The following PRSS23 variants were observed in gnomAD, a reference collection of about 807,000 sequenced individuals.
PRSS23 encodes protease, serine 23.
A neutral mutation model predicts 34.7 loss-of-function variants in PRSS23; 25 were observed. The ratio of observed to expected loss-of-function variants is 0.72; its 90% CI spans 0.53 to 1.01. PRSS23 has a LOEUF of 1.01. PRSS23 is among the 50% of genes least tolerant of loss of function. The pLI is 0.00. For missense variants in PRSS23, 445 were observed against 475.6 expected (o/e 0.94, Z 0.60); for synonymous variants, 176 against 186.6 (o/e 0.94, Z 0.46).
intron 2 of PRSS23, chr11:86,933,906 G>A (rs2135018768): frequency 6.6e-6 from 1 of 152,192 alleles, no homozygotes; most frequent in South Asian, 2.1e-4. Flanking sequence ...CGAGATCATT[G>A]GATTATATAT....
Position 86,808,883 on chromosome 11 carries a change from C to CGTGTGTGTGTGTGT in PRSS23, c.*101_*114dup. On this transcript the variant is annotated 3_prime_UTR_variant, in exon 2 of 2. Transcript: ENST00000280258. ...TTGTTTTTTGTCATTGGCGTGCACA[C>CGTGTGTGTGTGTGT]GTGTGTGTGTGTGTGTGTGTGTGTG... 2 of 887,448 alleles carry CGTGTGTGTGTGTGT rather than the reference C, an allele frequency of 2.3e-6. No individual in the cohort carries two copies. Among genetic ancestry groups the CGTGTGTGTGTGTGT allele is most frequent in the Non-Finnish European group, 3.5e-6 (2 of 569,550 alleles). 55.0% of individuals were successfully genotyped at this position (887,448 alleles called of 1,614,324 possible). A position where few individuals can be genotyped will look rare whatever the true frequency, so the allele number is the denominator to read the frequency against.
At chr11:86,847,648 G>C (rs1479976123) in intron 2 of PRSS23, among the ~76,000 whole-genome samples, 3 of 152,132 alleles carry the variant, frequency 2.0e-5, no homozygotes, top group African/African-American at 7.2e-5. Context: ...GATGTATCCT[G>C]AATAACTGGG....
At chr11:86,938,546 G>A (rs1465694723) in intron 2 of PRSS23, among the ~76,000 whole-genome samples, 1 of 152,174 alleles carries the variant, frequency 6.6e-6, no homozygotes, top group Non-Finnish European at 1.5e-5. Flanking sequence ...CATAGGGTGT[G>A]TCTGAGGAAG....
intron 2 of PRSS23, among the ~76,000 whole-genome samples, chr11:86,883,723 T>G (rs1235900112): frequency 1.3e-5 from 2 of 152,208 alleles, no homozygotes; most frequent in Non-Finnish European, 2.9e-5. Flanking sequence ...CCTCTATAAT[T>G]TCCCTCCAAG....
chr11:86,907,947 A>G (rs1235101220), intron 2 of PRSS23, among the ~76,000 whole-genome samples: 1 of 152,212 alleles, frequency 6.6e-6, no homozygotes, highest in East Asian at 1.9e-4. Context: ...TGACTATTTC[A>G]GATTCCTCGT....
chr11:86,939,603 C>A (rs924371015), intron 2 of PRSS23, among the ~76,000 whole-genome samples: 2 of 150,846 alleles, frequency 1.3e-5, no homozygotes, highest in African/African-American at 2.4e-5. Context: ...TGCGTTTACA[C>A]TATTTATTTA....
rs1194006412 is a variant in PRSS23 at position 86,894,237 on chromosome 11, T to TTGGTTTGA, written c.207-56979_207-56978insTGGTTTGA. 2.6e-5 allele frequency among the ~76,000 whole-genome samples: 4 copies of TTGGTTTGA among 152,324 alleles called. No individual in the cohort carries two copies. In the East Asian group the frequency reaches 5.8e-4, roughly 22 times the overall value. ...GTTGTCCAAGCTGGTCTCAAACTCC[T>TTGGTTTGA]GACCTCAAGTGATCTGCCCGCCTTG... is the stretch of plus-strand genomic sequence containing the variant. On this transcript the variant is annotated intron_variant, in intron 2 of 2. Coordinates refer to the PRSS23 transcript ENST00000533902.
chr11:86,914,531 C>A (rs1317114470), intron 2 of PRSS23, among the ~76,000 whole-genome samples: 1 of 152,196 alleles, frequency 6.6e-6, no homozygotes, highest in Non-Finnish European at 1.5e-5. Context: ...ATTTCATAAT[C>A]GTGTATCACA....
chr11:86,880,015 C>T (rs547691117), intron 2 of PRSS23, among the ~76,000 whole-genome samples: 27 of 152,068 alleles, frequency 1.8e-4, no homozygotes, highest in African/African-American at 5.8e-4. Context: ...GGGAGAAAGG[C>T]GGGGAAAGGA....
At chr11:86,846,133 C>T (rs1948484610) in intron 2 of PRSS23, among the ~76,000 whole-genome samples, 1 of 152,164 alleles carries the variant, frequency 6.6e-6, no homozygotes, top group East Asian at 1.9e-4. Context: ...CTCAATAAAG[C>T]CTACAACTTT....
At chr11:86,821,543 T>C (rs1360236843) in intron 1 of PRSS23, 4 of 1,611,136 alleles carry the variant, frequency 2.5e-6, no homozygotes, top group African/African-American at 1.3e-5. Context: ...AGTGCAAGTA[T>C]CTGGATGGCA....
chr11:86,864,364 G>A (rs1174641588), intron 2 of PRSS23, among the ~76,000 whole-genome samples: 1 of 152,224 alleles, frequency 6.6e-6, no homozygotes, highest in Non-Finnish European at 1.5e-5. Context: ...AGTGTCACAG[G>A]AGGTTGTCAA....
intron 2 of PRSS23, among the ~76,000 whole-genome samples, chr11:86,877,178 T>C (rs1026806021): frequency 6.6e-6 from 1 of 152,222 alleles, no homozygotes; most frequent in Non-Finnish European, 1.5e-5. Context: ...CTATTATCTG[T>C]GTTCAGGTCT....
chr11:86,821,939 A>G (rs990920171), intron 1 of PRSS23, among the ~76,000 whole-genome samples: 2 of 152,202 alleles, frequency 1.3e-5, no homozygotes, highest in African/African-American at 4.8e-5. Context: ...CTGAATTTTA[A>G]AAGGAGAATT....
At chr11:86,901,548 G>C (rs1014977121) in intron 2 of PRSS23, among the ~76,000 whole-genome samples, 1 of 152,096 alleles carries the variant, frequency 6.6e-6, no homozygotes, top group African/African-American at 2.4e-5. Flanking sequence ...TAAGAAGGGA[G>C]GTCACTGGTC....
intron 2 of PRSS23, among the ~76,000 whole-genome samples, chr11:86,892,738 T>C (rs546396012): frequency 1.5e-3 from 236 of 152,262 alleles, no homozygotes; most frequent in African/African-American, 5.5e-3. Flanking sequence ...ATTAATATTA[T>C]TATTGCCAAA....
intron 2 of PRSS23, among the ~76,000 whole-genome samples, chr11:86,893,140 G>T (rs1439882786): frequency 6.6e-6 from 1 of 152,172 alleles, no homozygotes; most frequent in Admixed American, 6.5e-5. Context: ...GCCAGGGAAT[G>T]CCAGGCTAAT....
At chr11:86,936,685 C>T (rs191477504) in intron 2 of PRSS23, 4 of 152,258 alleles carry the variant, frequency 2.6e-5, no homozygotes, top group African/African-American at 9.6e-5. Flanking sequence ...AGGAGGATGG[C>T]TTGAGCCCAA....
intron 2 of PRSS23, among the ~76,000 whole-genome samples, chr11:86,874,100 T>C (rs1447444932): frequency 6.6e-6 from 1 of 152,194 alleles, no homozygotes; most frequent in Non-Finnish European, 1.5e-5. Context: ...GAGGGTTTAA[T>C]CTTTGTGAAG....
Sources: gnomAD v4.1 joint callset for allele counts (sites outside exome capture counted in the v4.1 genomes callset) on GRCh38, gnomAD v4.1.1 for gene constraint, MANE v1.5 for transcripts, NCBI Gene and HGNC (gene_info 2026-07-23, HGNC 2026-07-21) for gene names.